Variants in LYRM4 observed in about 807,000 individuals in gnomAD.
The protein encoded by LYRM4 is LYR motif containing 4, also known as LYR motif-containing protein 4.
LYRM4 carries 9 observed loss-of-function variants against 11.7 expected under a neutral mutation model. The ratio of observed to expected loss-of-function variants is 0.77; its 90% CI spans 0.46 to 1.34. The LOEUF (loss-of-function observed/expected upper bound fraction) is 1.34, where lower values mean the gene tolerates loss of function less well. Ranked by LOEUF, LYRM4 falls within the 40% of genes most tolerant of loss-of-function variation. LYRM4 has a pLI of 0.00. For missense variants in LYRM4, 133 were observed against 112.5 expected (o/e 1.18, Z -0.82); for synonymous variants, 42 against 40.4 (o/e 1.04, Z -0.15).
At chr6:5,091,428 A>G in the LYRM4 span, among the ~76,000 whole-genome samples, 1 of 152,234 alleles carries the variant, frequency 6.6e-6, no homozygotes. Flanking sequence ...GTGACATCAG[A>G]ACGCAGCGGT....
chr6:5,131,807 C>T (rs571227232), intron 2 of LYRM4, among the ~76,000 whole-genome samples: 64 of 152,244 alleles, frequency 4.2e-4, no homozygotes, highest in African/African-American at 1.4e-3. Context: ...CCTCACTGTG[C>T]AATCATTAAG....
At chr6:5,246,627 G>A (rs1436101761) in intron 1 of LYRM4, among the ~76,000 whole-genome samples, 1 of 152,210 alleles carries the variant, frequency 6.6e-6, no homozygotes, top group Non-Finnish European at 1.5e-5. Flanking sequence ...CATGGGATGG[G>A]TGAAGGTAGT....
intron 2 of LYRM4, among the ~76,000 whole-genome samples, chr6:5,171,271 T>A (rs2746243): frequency 0.33 from 50,785 of 152,094 alleles, 9,451 homozygotes; most frequent in African/African-American, 0.51. Context: ...GTCATCCATC[T>A]ACGTTACATC....
chr6:5,118,052 C>CA (rs1253141019), intron 2 of LYRM4, among the ~76,000 whole-genome samples: 4 of 147,116 alleles, frequency 2.7e-5, no homozygotes, highest in East Asian at 4.0e-4. Context: ...TTTGGAAGGC[C>CA]AAAAAAACCC....
intron 2 of LYRM4, among the ~76,000 whole-genome samples, chr6:5,157,024 A>C (rs1389472504): frequency 6.6e-6 from 1 of 152,240 alleles, no homozygotes; most frequent in Non-Finnish European, 1.5e-5. Flanking sequence ...AAGCAATGCT[A>C]AGCCCACTTT....
intron 1 of LYRM4, 150 bp downstream of exon 1, chr6:5,260,498 C>G (rs1326138685): frequency 4.7e-6 from 5 of 1,071,522 alleles, no homozygotes; most frequent in Non-Finnish European, 6.6e-6. Context: ...GGCAGGAGCA[C>G]GCTTTTCGAT....
rs184597326 is a variant in LYRM4 at position 5,178,768 on chromosome 6, G to T, written c.207+37850C>A. Reference sequence around the variant, plus strand: ...GGCAGTGAGCTGAGATCACGCCATTGCACTCCAGCCTGGGCGACAGAGTGA... The same window carrying T: ...GGCAGTGAGCTGAGATCACGCCATTTCACTCCAGCCTGGGCGACAGAGTGA... On this transcript the variant is annotated intron_variant, in intron 2 of 2. Transcript: ENST00000330636. Among the ~76,000 whole-genome samples, 148 of 113,794 alleles carry T rather than the reference G, an allele frequency of 1.3e-3. 1 individual carries two copies. The highest frequency in any genetic ancestry group is 4.8e-3 in the African/African-American group (143 of 29,574). 74.7% of individuals were successfully genotyped at this position (113,794 alleles called of 152,430 possible).
At chr6:5,066,818 C>T in the LYRM4 span, 4 of 766,308 alleles carry the variant, frequency 5.2e-6, no homozygotes, top group East Asian at 1.0e-4. Flanking sequence ...TCCTGAAATC[C>T]GGATCCGGCC....
chr6:5,067,881 C>T, the LYRM4 span, among the ~76,000 whole-genome samples: 28 of 152,124 alleles, frequency 1.8e-4, no homozygotes, highest in Non-Finnish European at 3.5e-4. Context: ...AAAAAGATTA[C>T]GTATATAGTG....
At chr6:5,133,489 T>A (rs1764050170) in intron 2 of LYRM4, among the ~76,000 whole-genome samples, 1 of 152,198 alleles carries the variant, frequency 6.6e-6, no homozygotes, top group African/African-American at 2.4e-5. Context: ...TTCCAAACCT[T>A]GCGTGTACAC....
chr6:5,215,122 G>C (rs1442756287), intron 2 of LYRM4, among the ~76,000 whole-genome samples: 1 of 152,052 alleles, frequency 6.6e-6, no homozygotes, highest in Non-Finnish European at 1.5e-5. Context: ...AGAAATGATG[G>C]CACAGATTAT....
chr6:5,100,914 G>T (rs1293837550), downstream of LYRM4, among the ~76,000 whole-genome samples: 2 of 152,146 alleles, frequency 1.3e-5, no homozygotes, highest in Non-Finnish European at 2.9e-5. Context: ...ATGCCTTTTG[G>T]ATTCATTCTT....
chr6:5,094,943 C>G, the LYRM4 span, among the ~76,000 whole-genome samples: 2 of 152,098 alleles, frequency 1.3e-5, no homozygotes, highest in Non-Finnish European at 2.9e-5. Context: ...GTATAGTTCA[C>G]AGTAATTTAC....
chr6:5,182,411 T>C (rs1760129823), intron 2 of LYRM4, among the ~76,000 whole-genome samples: 1 of 152,258 alleles, frequency 6.6e-6, no homozygotes, highest in Admixed American at 6.5e-5. Context: ...GCTTTTTAAA[T>C]TGGTTATAGA....
chr6:5,145,927 G>A (rs1757695265), intron 2 of LYRM4, among the ~76,000 whole-genome samples: 1 of 152,092 alleles, frequency 6.6e-6, no homozygotes. Context: ...TCTTCCCTCA[G>A]CCGTCAAATG....
chr6:5,196,423 A>G (rs1561863408), intron 2 of LYRM4, among the ~76,000 whole-genome samples: 4 of 152,166 alleles, frequency 2.6e-5, no homozygotes, highest in Non-Finnish European at 5.9e-5. Flanking sequence ...GAGTCCAAAC[A>G]TGGACTCAGA....
chr6:5,163,129 C>T (rs1758867535), intron 2 of LYRM4, among the ~76,000 whole-genome samples: 1 of 152,030 alleles, frequency 6.6e-6, no homozygotes, highest in South Asian at 2.1e-4. Flanking sequence ...TCTTTTGTGT[C>T]CTGTTTAAGA....
the LYRM4 span, chr6:5,066,328 T>G: frequency 1.4e-6 from 1 of 720,002 alleles, no homozygotes; most frequent in African/African-American, 1.8e-5. Flanking sequence ...TCGTCCAAAT[T>G]TATATCTAGA....
the LYRM4 span, among the ~76,000 whole-genome samples, chr6:5,037,845 C>T: frequency 0.013 from 597 of 44,824 alleles, 54 homozygotes; most frequent in African/African-American, 0.035. Context: ...CCGGACGGGG[C>T]GGCTGGCCGG....
Sources: allele counts gnomAD v4.1 joint callset (sites outside exome capture counted in the v4.1 genomes callset), GRCh38; gene constraint gnomAD v4.1.1; transcripts MANE v1.5; gene names NCBI Gene and HGNC (gene_info 2026-07-23, HGNC 2026-07-21).